Variants in NDUFS1 observed in about 807,000 individuals in gnomAD.
The protein encoded by NDUFS1 is NADH:ubiquinone oxidoreductase core subunit S1.
Under a neutral mutation model 84.4 loss-of-function variants are expected in NDUFS1, and 61 were observed. The observed-to-expected ratio is 0.72, with a 90% confidence interval of 0.59 to 0.89. NDUFS1 has a LOEUF of 0.89. Among genes scored for constraint, NDUFS1 ranks in the 40% least tolerant of loss-of-function variants. The probability of loss-of-function intolerance (pLI) is 0.00; values close to 1 mark genes in which losing one functional copy is unlikely to be tolerated. For synonymous variants in NDUFS1, 275 were observed against 290.0 expected (o/e 0.95, Z 0.53); for missense variants, 891 against 890.0 (o/e 1.00, Z -0.01).
At position 206,146,949 on chromosome 2, in the gene NDUFS1, G is replaced by A. The variant is rs199422226; in HGVS notation, c.691C>T (p.Leu231=). The change falls in exon 8 of 19, where the codon CTA becomes TTA. Residue 231 remains leucine, a synonymous_variant. Coordinates refer to ENST00000233190, the MANE Select transcript of NDUFS1 (RefSeq NM_005006.7). Reference sequence around the variant, plus strand: ...GTAAAGGCATAGGGCTTAGAGGTTAGGGCACCTACAGGGCAGATATCAATG... The same window carrying A: ...GTAAAGGCATAGGGCTTAGAGGTTAAGGCACCTACAGGGCAGATATCAATG... The part of the protein sequence containing the change: ...NIIDICPVGA[L]TSKPYAFTAR... 2.5e-6 allele frequency: 4 copies of A among 1,614,062 alleles called. No individual in the cohort carries two copies. The East Asian group carries it at 8.9e-5, about 36-fold the overall frequency.
rs1559047417 is a variant in NDUFS1, at chr2:206,133,050, C to T, written c.1448G>A (p.Arg483Lys). The change falls in exon 14 of 19, where the codon AGA (arginine) becomes AAA (lysine). Residue 483 changes from arginine to lysine, a missense_variant. Coordinates refer to ENST00000233190, the MANE Select transcript of NDUFS1 (RefSeq NM_005006.7). ...MVVLGSSALQRNDGAAILAAV... is the reference protein window; with the variant it reads ...MVVLGSSALQKNDGAAILAAV... ...TGCAAGAATTGCTGCTCCATCATTT[C>T]TTTGGAGTGCAGAACTGCCTAAAAC... 1 of 1,613,236 alleles carries T rather than the reference C, an allele frequency of 6.2e-7. No homozygotes were observed. The highest frequency in any genetic ancestry group is 1.3e-5 in the African/African-American group (1 of 74,868).
At chr2:206,145,863 T>C (rs1172253206) in intron 8 of NDUFS1, among the ~76,000 whole-genome samples, 1 of 152,194 alleles carries the variant, frequency 6.6e-6, no homozygotes, top group Non-Finnish European at 1.5e-5. Flanking sequence ...AGGTGATACT[T>C]TGGAGGTCAT....
At position 206,120,777 on chromosome 2, in the gene NDUFS1, A is replaced by C. The variant is rs1416199664; in HGVS notation, c.*3408T>G. 4 of 152,254 alleles carry C rather than the reference A, an allele frequency of 2.6e-5. No homozygotes were observed. Among genetic ancestry groups the C allele is most frequent in the Non-Finnish European group, 5.9e-5 (4 of 68,056 alleles). The allele number at this position is 152,254 out of a possible 1,614,324, so 9.4% of individuals were successfully genotyped here. On this transcript the variant is annotated 3_prime_UTR_variant, in exon 19 of 19. Transcript: ENST00000233190. Reference sequence around the variant, plus strand: ...AATTCACAGACTAGTCATGTGGCAGAGAAGGAAAAAGCACTTTGAGGAGAG... The same window carrying C: ...AATTCACAGACTAGTCATGTGGCAGCGAAGGAAAAAGCACTTTGAGGAGAG...
intron 13 of NDUFS1, among the ~76,000 whole-genome samples, chr2:206,137,471 C>T (rs530128151): frequency 3.4e-4 from 52 of 151,020 alleles, no homozygotes; most frequent in Non-Finnish European, 3.7e-4. Context: ...TTCGTCTCCC[C>T]GCCAAGGAAA....
In NDUFS1 at chr2:206,146,822, G is replaced by A. The variant is rs1390336186; in HGVS notation, c.737+81C>T. On this transcript the variant is annotated intron_variant, in intron 8 of 18. Transcript: ENST00000233190. The stretch of plus-strand genomic sequence containing the variant: ...AACAGACCAAAACAACTGAAACCCA[G>A]GAAGAAAATGAACCTTAATATTTTT... The A allele has an allele frequency of 8.1e-6, 11 of 1,364,402 alleles. No homozygotes were observed. In the African/African-American group the frequency reaches 8.8e-5, roughly 11 times the overall value. The allele number at this position is 1,364,402 out of a possible 1,614,324, so 84.5% of individuals were successfully genotyped here.
chr2:206,123,970 T>G lies in NDUFS1; in HGVS notation c.*215A>C, dbSNP rs546027487. The G allele has an allele frequency of 7.7e-6, 4 of 517,142 alleles. No homozygotes were observed. Among genetic ancestry groups the G allele is most frequent in the Non-Finnish European group, 1.0e-5 (3 of 293,386 alleles). The allele number at this position is 517,142 out of a possible 1,614,324, so 32.0% of individuals were successfully genotyped here. ...ATCAATGCTTTTAAGAGCATCTGCA[T>G]AGTTTTGTTATTTAACCTTTACACA... On this transcript the variant is annotated 3_prime_UTR_variant, in exon 19 of 19. Coordinates refer to ENST00000233190, the MANE Select transcript of NDUFS1 (RefSeq NM_005006.7).
At chr2:206,152,392 C>A (rs776333665) in intron 3 of NDUFS1, 27 bp downstream of exon 3, 2 of 1,577,592 alleles carry the variant, frequency 1.3e-6, no homozygotes, top group Admixed American at 3.3e-5. Context: ...AGAACACACA[C>A]ACAAAATAGT....
intron 15 of NDUFS1, among the ~76,000 whole-genome samples, chr2:206,129,297 C>T (rs776328936): frequency 2.6e-5 from 4 of 152,022 alleles, no homozygotes. Context: ...TTTTATTGCT[C>T]TGTCACCCAG....
At chr2:206,147,364 T>G (rs1437839965) in intron 7 of NDUFS1, among the ~76,000 whole-genome samples, 167 bp downstream of exon 7, 2 of 152,148 alleles carry the variant, frequency 1.3e-5, no homozygotes, top group East Asian at 1.9e-4. Context: ...CCACCTGAAG[T>G]TGGTACTAAA....
chr2:206,147,117 G>C (rs751969867), intron 7 of NDUFS1, 29 bp from the exon 8 acceptor site: 5 of 1,603,330 alleles, frequency 3.1e-6, no homozygotes, highest in Non-Finnish European at 4.3e-6. Context: ...GTCATCAATG[G>C]TCAAGTCCAG....
At chr2:206,139,871 TAAA>T (rs35564839) in intron 12 of NDUFS1, among the ~76,000 whole-genome samples, 3 of 103,582 alleles carry the variant, frequency 2.9e-5, no homozygotes, top group Non-Finnish European at 3.8e-5. Context: ...CTTGTGTTCT[TAAA>T]AAAAAAAAAA....
intron 1 of NDUFS1, among the ~76,000 whole-genome samples, chr2:206,153,986 A>T (rs575885930): frequency 6.6e-6 from 1 of 152,354 alleles, no homozygotes; most frequent in Admixed American, 6.5e-5. Flanking sequence ...GCACTACCAC[A>T]CAGTAAAATA....
chr2:206,150,016 T>C, intron 3 of NDUFS1, 91 bp from the exon 4 acceptor site: 1 of 824,836 alleles, frequency 1.2e-6, no homozygotes, highest in Non-Finnish European at 2.0e-6. Flanking sequence ...ATACAGCATC[T>C]TATTACTTCT....
At chr2:206,147,943 TG>T (rs1692224007) in intron 5 of NDUFS1, 109 bp from the exon 6 acceptor site, 9 of 963,054 alleles carry the variant, frequency 9.3e-6, no homozygotes, top group Non-Finnish European at 1.5e-5. Context: ...TTTGAGATGG[TG>T]TCTCGCTCTG....
At chr2:206,136,762 CTT>C (rs1229589279) in intron 13 of NDUFS1, among the ~76,000 whole-genome samples, 1 of 139,550 alleles carries the variant, frequency 7.2e-6, no homozygotes. Context: ...TTCTTTTTTT[CTT>C]TTTTTTTTGA....
In NDUFS1 at chr2:206,115,990, G is replaced by GT. The variant is rs1010868887; in HGVS notation, c.*8194dup. ...TCTTTCATTAGCAGTGTTAACAGTAGTTTTTTTTTCCCATGGGTAATGCTA... is the reference window on the plus strand; with the variant it reads ...TCTTTCATTAGCAGTGTTAACAGTAGTTTTTTTTTTCCCATGGGTAATGCTA... On this transcript the variant is annotated 3_prime_UTR_variant, in exon 19 of 19. Coordinates refer to ENST00000233190, the MANE Select transcript of NDUFS1 (RefSeq NM_005006.7). The GT allele has an allele frequency of 6.4e-4, 458 of 714,284 alleles. No individual in the cohort carries two copies. The highest frequency in any genetic ancestry group is 2.9e-3 in the East Asian group (110 of 38,294). The allele number at this position is 714,284 out of a possible 1,614,324, so 44.2% of individuals were successfully genotyped here.
Position 206,116,275 on chromosome 2 carries a change from T to G in NDUFS1, c.*7910A>C. On this transcript the variant is annotated 3_prime_UTR_variant, in exon 19 of 19. Transcript: ENST00000233190. ...CAAGAGCTTCATTAATTTCGGTTAC[T>G]TCTCCTGATAAAGGAGAATAGAGTT... is the stretch of plus-strand genomic sequence containing the variant. 4 of 990,252 alleles carry G rather than the reference T, an allele frequency of 4.0e-6. No individual in the cohort carries two copies. Among genetic ancestry groups the G allele is most frequent in the Non-Finnish European group, 6.6e-6 (4 of 609,918 alleles). The allele number at this position is 990,252 out of a possible 1,614,324, so 61.3% of individuals were successfully genotyped here.
intron 13 of NDUFS1, among the ~76,000 whole-genome samples, chr2:206,133,775 C>G (rs1031512933): frequency 6.6e-6 from 1 of 152,022 alleles, no homozygotes; most frequent in South Asian, 2.1e-4. Flanking sequence ...GACAGGAGTT[C>G]GAGACCAGCC....
intron 15 of NDUFS1, among the ~76,000 whole-genome samples, chr2:206,128,810 A>G (rs955138826): frequency 1.3e-5 from 2 of 152,032 alleles, no homozygotes; most frequent in East Asian, 3.9e-4. Flanking sequence ...TTAAAGAAAA[A>G]AAAGTATCTT....
Sources: gnomAD v4.1 joint callset for allele counts (sites outside exome capture counted in the v4.1 genomes callset) on GRCh38, gnomAD v4.1.1 for gene constraint, MANE v1.5 for transcripts, NCBI Gene and HGNC (gene_info 2026-07-23, HGNC 2026-07-21) for gene names.